SMARCC1: variants seen among roughly 807,000 people sequenced by gnomAD.
SMARCC1 encodes the protein SWI/SNF related BAF chromatin remodeling complex subunit C1.
A neutral mutation model predicts 147.4 loss-of-function variants in SMARCC1; 43 were observed. The observed-to-expected ratio is 0.29, with a 90% CI of 0.23 to 0.38. SMARCC1 has a LOEUF of 0.38. SMARCC1 is among the 10% of genes least tolerant of loss of function. SMARCC1 has a pLI of 1.00. For synonymous variants in SMARCC1, 495 were observed against 484.4 expected (o/e 1.02, Z -0.29); for missense variants, 1,119 against 1,381.1 (o/e 0.81, Z 3.01).
At chr3:47,780,228 A>C (rs925730758) in intron 1 of SMARCC1, among the ~76,000 whole-genome samples, 1 of 126,532 alleles carries the variant, frequency 7.9e-6, no homozygotes, top group African/African-American at 3.0e-5. Flanking sequence ...CTGGAGTGCA[A>C]TGGTGCAATC....
intron 26 of SMARCC1, among the ~76,000 whole-genome samples, chr3:47,594,436 A>C (rs755489059): frequency 6.6e-6 from 1 of 152,204 alleles, no homozygotes; most frequent in Non-Finnish European, 1.5e-5. Flanking sequence ...CCAACTGACC[A>C]TCATTAATTT....
Position 47,686,134 on chromosome 3 carries a change from A to T in SMARCC1, c.1300T>A (p.Ser434Thr), listed in dbSNP as rs746943294. ...ACATTATCTTCCCCAAGGTCAACTG[A>T]TCGACTCTGATCACCTTTGGCAGGA... is the stretch of plus-strand genomic sequence containing the variant. ...EDPAKGDQSR[S>T]VDLGEDNVTE... Residue 434 changes from serine to threonine, a missense_variant, in exon 14 of 28, where the codon TCA becomes ACA. Physicochemically the swap from Ser to Thr is moderately conservative, Grantham distance 58. This residue lies in a region of SMARCC1 where 542 missense variants were observed against 611.8 expected (regional missense o/e 0.89). Transcript: ENST00000254480. 4.3e-6 allele frequency: 7 copies of T among 1,612,038 alleles called. No homozygotes were observed. The South Asian group carries it at 7.7e-5, about 18-fold the overall frequency.
At chr3:47,684,225 G>C (rs2033691831) in intron 14 of SMARCC1, among the ~76,000 whole-genome samples, 1 of 145,654 alleles carries the variant, frequency 6.9e-6, no homozygotes, top group South Asian at 2.2e-4. Flanking sequence ...GGGCGACAGA[G>C]CGAGACTCCG....
At chr3:47,762,534 C>G (rs1278446972) in intron 2 of SMARCC1, among the ~76,000 whole-genome samples, 1 of 152,234 alleles carries the variant, frequency 6.6e-6, no homozygotes, top group African/African-American at 2.4e-5. Flanking sequence ...ATCACACCAC[C>G]ACATTTGTTA....
chr3:47,620,446 G>A (rs1482415992), intron 25 of SMARCC1, among the ~76,000 whole-genome samples: 2 of 150,924 alleles, frequency 1.3e-5, no homozygotes, highest in African/African-American at 4.9e-5. Flanking sequence ...CTGGGTGACA[G>A]AGTAAGACTC....
intron 26 of SMARCC1, among the ~76,000 whole-genome samples, chr3:47,605,392 G>A (rs76704887): frequency 6.6e-6 from 1 of 152,314 alleles, no homozygotes; most frequent in Non-Finnish European, 1.5e-5. Context: ...TACAGCCACA[G>A]AACACTGTAT....
intron 18 of SMARCC1, among the ~76,000 whole-genome samples, chr3:47,671,570 T>G (rs1310475693): frequency 6.6e-6 from 1 of 152,218 alleles, no homozygotes; most frequent in African/African-American, 2.4e-5. Context: ...GAGTCCCTTA[T>G]AGTTTATGAT....
rs1474443989 is a variant in SMARCC1 at position 47,736,097 on chromosome 3, G to A, written c.513C>T (p.Tyr171=). The A allele has an allele frequency of 1.9e-6, 3 of 1,597,750 alleles. No homozygotes were observed. In the South Asian group the frequency reaches 3.4e-5, roughly 18 times the overall value. The change falls in exon 5 of 28, where the codon TAC becomes TAT. Residue 171 remains tyrosine, a synonymous_variant. Coordinates refer to ENST00000254480, the MANE Select transcript of SMARCC1 (RefSeq NM_003074.4). ...ACTTCAGATCAATGTCTGGAATGAG[G>A]TAGATGTTGGGTCTGGTCAAACAAT... The part of the protein sequence containing the change: ...QNNCLTRPNI[Y]LIPDIDLKLA...
At chr3:47,759,475 G>C (rs2034746092) in intron 2 of SMARCC1, among the ~76,000 whole-genome samples, 1 of 149,284 alleles carries the variant, frequency 6.7e-6, no homozygotes, top group Admixed American at 6.7e-5. Flanking sequence ...ACAAAAATTA[G>C]CCGAGCATGG....
At position 47,662,347 on chromosome 3, in the gene SMARCC1, T is replaced by C. The variant is rs1223333943; in HGVS notation, c.2145A>G (p.Ala715=). 6.2e-7 allele frequency: 1 copy of C among 1,614,128 alleles called. No individual in the cohort carries two copies. The highest frequency in any genetic ancestry group is 1.3e-5 in the African/African-American group (1 of 75,058). ...GGAAGTCCATACCCAAAGCCGCTTTTGCTGCAGCAGATGCCACGCGAGGGT... is the reference window on the plus strand; with the variant it reads ...GGAAGTCCATACCCAAAGCCGCTTTCGCTGCAGCAGATGCCACGCGAGGGT... The part of the protein sequence containing the change: ...VVDPRVASAA[A]KAALEEFSRV... Residue 715 remains alanine (A), a synonymous_variant, in exon 20 of 28, where the codon GCA becomes GCG. Coordinates refer to ENST00000254480, the MANE Select transcript of SMARCC1 (RefSeq NM_003074.4).
chr3:47,634,438 A>G (rs1166145563), intron 24 of SMARCC1, among the ~76,000 whole-genome samples: 1 of 152,244 alleles, frequency 6.6e-6, no homozygotes, highest in Non-Finnish European at 1.5e-5. Flanking sequence ...AAAGATCATG[A>G]AAAAGCATCT....
At chr3:47,722,567 A>AT (rs984271135) in intron 6 of SMARCC1, among the ~76,000 whole-genome samples, 6 of 152,156 alleles carry the variant, frequency 3.9e-5, no homozygotes, top group Admixed American at 2.6e-4. Context: ...AAGTGCTGGG[A>AT]TTACAGGCAT....
At chr3:47,610,474 A>G (rs1460057119) in intron 25 of SMARCC1, 147 bp from the exon 26 acceptor site, 2 of 769,628 alleles carry the variant, frequency 2.6e-6, no homozygotes, top group African/African-American at 3.4e-5. Context: ...CTACAGTGAG[A>G]ACAAAGGCAT....
At position 47,650,297 on chromosome 3, in the gene SMARCC1, TA is replaced by T. The variant is rs199748505; in HGVS notation, c.2320+10996del. On this transcript the variant is annotated intron_variant, in intron 21 of 27. Coordinates refer to ENST00000254480, the MANE Select transcript of SMARCC1 (RefSeq NM_003074.4). Reference sequence around the variant, plus strand: ...TTTAAAATAATAATAATAATAATAATAATTATTATTATTATTATTATTCAAG... The same window carrying T: ...TTTAAAATAATAATAATAATAATAATATTATTATTATTATTATTATTCAAG... Among the ~76,000 whole-genome samples, 282 of 142,566 alleles carry T rather than the reference TA, an allele frequency of 2.0e-3. 1 individual carries two copies. Among genetic ancestry groups the T allele is most frequent in the African/African-American group, 6.9e-3 (269 of 38,964 alleles). 93.5% of individuals were successfully genotyped at this position (142,566 alleles called of 152,430 possible).
intron 2 of SMARCC1, among the ~76,000 whole-genome samples, chr3:47,761,068 G>A (rs1486574900): frequency 6.6e-6 from 1 of 152,114 alleles, no homozygotes; most frequent in Non-Finnish European, 1.5e-5. Context: ...GGGAAGGGGA[G>A]GCTGCAGTGA....
At chr3:47,710,611 C>T (rs1213312312) in intron 9 of SMARCC1, 72 bp downstream of exon 9, 3 of 1,492,632 alleles carry the variant, frequency 2.0e-6, no homozygotes, top group Non-Finnish European at 2.7e-6. Flanking sequence ...TGACAGCTTA[C>T]TGATGAAGAT....
intron 19 of SMARCC1, among the ~76,000 whole-genome samples, chr3:47,666,720 AT>A (rs2033424860): frequency 6.6e-6 from 1 of 151,816 alleles, no homozygotes; most frequent in Admixed American, 6.6e-5. Context: ...AAACACTATG[AT>A]TTTTTGGGGG....
intron 26 of SMARCC1, among the ~76,000 whole-genome samples, chr3:47,601,036 A>AGAGAGAGAGAGAGAGAGG (rs1559622885): frequency 1.5e-5 from 2 of 134,972 alleles, no homozygotes; most frequent in African/African-American, 5.2e-5. Flanking sequence ...AGAGAGAGAG[A>AGAGAGAGAGAGAGAGAGG]GAGAGAGAGA....
intron 3 of SMARCC1, among the ~76,000 whole-genome samples, chr3:47,739,914 T>C (rs1451260948): frequency 1.3e-5 from 2 of 152,154 alleles, no homozygotes; most frequent in African/African-American, 4.8e-5. Context: ...TCCCACTCTA[T>C]TGCCCAGGCT....
Sources: allele counts gnomAD v4.1 joint callset (sites outside exome capture counted in the v4.1 genomes callset), GRCh38; gene constraint gnomAD v4.1.1; regional missense constraint gnomAD v4.1.1; transcripts MANE v1.5; gene names NCBI Gene and HGNC (gene_info 2026-07-23, HGNC 2026-07-21).